The following SLC17A4 variants were observed in gnomAD, a reference collection of about 807,000 sequenced individuals.
The protein encoded by SLC17A4 is solute carrier family 17 member 4.
SLC17A4 carries 33 observed loss-of-function variants against 52.5 expected under a neutral mutation model. The ratio of observed to expected loss-of-function variants is 0.63; its 90% CI spans 0.48 to 0.84. The LOEUF is 0.84. Ranked by LOEUF, SLC17A4 falls within the 40% of genes least tolerant of loss-of-function variation. SLC17A4 has a pLI of 0.00. For synonymous variants in SLC17A4, 225 were observed against 216.2 expected, an observed-to-expected ratio of 1.04 and a Z score of -0.36; for missense variants, 585 against 597.1, an observed-to-expected ratio of 0.98 and a Z score of 0.21.
chr6:25,768,352 C>T (rs780754121), intron 2 of SLC17A4: 43 of 985,330 alleles, frequency 4.4e-5, no homozygotes, highest in Non-Finnish European at 4.9e-5. Flanking sequence ...TGGATGAATT[C>T]TTCCCGCTGT....
chr6:25,779,216 G>A lies in SLC17A4; in HGVS notation c.*28G>A. ...AAACCGAGAGATGTGCTAGATCCTG[G>A]TGCTTAGTTCATCATTGTTTTCCCT... On this transcript the variant is annotated 3_prime_UTR_variant, in exon 12 of 12. Coordinates refer to ENST00000377905, the MANE Select transcript of SLC17A4 (RefSeq NM_005495.3). 1 of 1,611,250 alleles carries A rather than the reference G, an allele frequency of 6.2e-7. No individual in the cohort carries two copies. The highest frequency in any genetic ancestry group is 8.5e-7 in the Non-Finnish European group (1 of 1,178,532).
At chr6:25,778,548 T>C (rs1231378189) in intron 11 of SLC17A4, among the ~76,000 whole-genome samples, 1 of 152,126 alleles carries the variant, frequency 6.6e-6, no homozygotes, top group Non-Finnish European at 1.5e-5. Flanking sequence ...ATTCAATAAA[T>C]ATTAAACAGT....
At chr6:25,775,905 A>G (rs1762873919) in intron 8 of SLC17A4, among the ~76,000 whole-genome samples, 1 of 152,188 alleles carries the variant, frequency 6.6e-6, no homozygotes, top group African/African-American at 2.4e-5. Flanking sequence ...ATATCAGTAC[A>G]TGAGAACCTT....
rs761706846 is a variant in SLC17A4 at position 25,778,033 on chromosome 6, T to C, written c.1359+17T>C. 1.1e-5 allele frequency: 17 copies of C among 1,567,678 alleles called. No individual in the cohort carries two copies. The African/African-American group carries it at 2.2e-4, about 20-fold the overall frequency. On this transcript the variant is annotated intron_variant, in intron 11 of 11. Coordinates refer to ENST00000377905, the MANE Select transcript of SLC17A4 (RefSeq NM_005495.3). ...ATCAGTCAGGTGAGGTCAAATGTTC[T>C]GATGAATATTCATAAAAGAAACCTA...
chr6:25,771,847 G>A (rs1247303430), intron 6 of SLC17A4, among the ~76,000 whole-genome samples: 1 of 152,128 alleles, frequency 6.6e-6, no homozygotes, highest in African/African-American at 2.4e-5. Context: ...GAGAGATGCT[G>A]CAGAAAGGTT....
Position 25,770,421 on chromosome 6 carries a change from A to G in SLC17A4, c.569A>G (p.Lys190Arg). The change falls in exon 5 of 12, where the codon AAA (lysine) becomes AGA (arginine). Residue 190 changes from lysine to arginine, a missense_variant. Transcript: ENST00000377905. ...VLTGQYSIWV[K>R]WAPPLERSQL... ...ACTGGTCAGTATTCAATTTGGGTCA[A>G]ATGGGCTCCCCCACTGGAAAGGAGT... 1 of 1,614,084 alleles carries G rather than the reference A, an allele frequency of 6.2e-7. No individual in the cohort carries two copies.
intron 2 of SLC17A4, 103 bp from the exon 3 acceptor site, chr6:25,768,882 T>C: frequency 9.3e-7 from 1 of 1,075,778 alleles, no homozygotes; most frequent in Non-Finnish European, 1.4e-6. Flanking sequence ...TCTCCCTATA[T>C]TTCTGCATCT....
rs1390224948 is a variant in SLC17A4 at position 25,780,731 on chromosome 6, G to C, written c.*1543G>C. ...GGTTGGAGTAGGAGCTTACAGTGTAGTCCAGGAGAGAACAATGGCCCCTGG... is the reference window on the plus strand; with the variant it reads ...GGTTGGAGTAGGAGCTTACAGTGTACTCCAGGAGAGAACAATGGCCCCTGG... On this transcript the variant is annotated 3_prime_UTR_variant, in exon 12 of 12. Transcript: ENST00000377905. 1.3e-5 allele frequency: 2 copies of C among 152,188 alleles called. No individual in the cohort carries two copies. The highest frequency in any genetic ancestry group is 4.8e-5 in the African/African-American group (2 of 41,424). The allele number at this position is 152,188 out of a possible 1,614,324, so 9.4% of individuals were successfully genotyped here. A position where few individuals can be genotyped will look rare whatever the true frequency, so the allele number is the denominator to read the frequency against.
At chr6:25,778,113 A>G (rs1373529126) in intron 11 of SLC17A4, 97 bp downstream of exon 11, 7 of 792,880 alleles carry the variant, frequency 8.8e-6, no homozygotes, top group Non-Finnish European at 1.4e-5. Context: ...AGATGCTTTT[A>G]AAGTAGTCAA....
intron 10 of SLC17A4, 189 bp from the exon 11 acceptor site, chr6:25,777,737 A>G (rs957324797): frequency 1.7e-6 from 1 of 572,276 alleles, no homozygotes; most frequent in African/African-American, 1.9e-5. Flanking sequence ...ATTGGTCAGT[A>G]CATTTCATTC....
chr6:25,773,706 T>C, intron 8 of SLC17A4, 32 bp downstream of exon 8: 2 of 1,600,036 alleles, frequency 1.2e-6, no homozygotes, highest in Non-Finnish European at 8.5e-7. Context: ...TCTGATCTTC[T>C]GTTTAAATGC....
intron 9 of SLC17A4, 29 bp from the exon 10 acceptor site, chr6:25,776,783 T>G (rs376178244): frequency 6.2e-7 from 1 of 1,613,838 alleles, no homozygotes; most frequent in South Asian, 1.1e-5. Flanking sequence ...CAGCCTTCAG[T>G]TTACTCTGTG....
At chr6:25,757,992 G>A (rs1761170204) in intron 1 of SLC17A4, among the ~76,000 whole-genome samples, 1 of 152,138 alleles carries the variant, frequency 6.6e-6, no homozygotes, top group Non-Finnish European at 1.5e-5. Context: ...TCCGTATCTG[G>A]TTCACAAGGG....
In SLC17A4 at chr6:25,776,936, T is replaced by C. The variant is rs775853984; in HGVS notation, c.1245T>C (p.Val415=). ...ISSFCESGAL[V]NFLDIAPRYT... is the part of the protein sequence containing the mutation. ...GCTTCTGTGAATCAGGAGCCCTTGT[T>C]AACTTCTTGGATATTGCTCCTCGGT... Residue 415 remains valine (V), a synonymous_variant, in exon 10 of 12, where the codon GTT becomes GTC. Transcript: ENST00000377905. 1 of 1,613,418 alleles carries C rather than the reference T, an allele frequency of 6.2e-7. No homozygotes were observed. Among genetic ancestry groups the C allele is most frequent in the East Asian group, 2.2e-5 (1 of 44,878 alleles).
intron 6 of SLC17A4, among the ~76,000 whole-genome samples, chr6:25,771,338 C>G (rs1393123682): frequency 6.6e-6 from 1 of 152,134 alleles, no homozygotes; most frequent in Non-Finnish European, 1.5e-5. Flanking sequence ...CTTTGGGAGG[C>G]TGAGGCAGGT....
chr6:25,768,238 T>C (rs1357504012), intron 2 of SLC17A4: 2 of 274,224 alleles, frequency 7.3e-6, no homozygotes, highest in Admixed American at 6.5e-5. Context: ...AATGAAACCA[T>C]GCTGTCCATT....
rs1442360274 is a variant in SLC17A4 at position 25,776,966 on chromosome 6, AC to A, written c.1268+9del. The A allele has an allele frequency of 1.1e-5, 18 of 1,605,222 alleles. No homozygotes were observed. The African/African-American group carries it at 2.1e-4, about 19-fold the overall frequency. ...TCTTGGATATTGCTCCTCGGTAGGG[AC>A]CTCTTTTGCCTCATCCTTTCAGACA... On this transcript the variant is annotated splice_region_variant and intron_variant, in intron 10 of 11. Coordinates refer to ENST00000377905, the MANE Select transcript of SLC17A4 (RefSeq NM_005495.3).
intron 10 of SLC17A4, 71 bp from the exon 11 acceptor site, chr6:25,777,855 C>A: frequency 7.8e-7 from 1 of 1,283,452 alleles, no homozygotes; most frequent in South Asian, 1.2e-5. Flanking sequence ...ATTTGCCTCC[C>A]TCTCCCGGGT....
Position 25,776,744 on chromosome 6 carries a change from A to T in SLC17A4, c.1120+17A>T. 6.2e-7 allele frequency: 1 copy of T among 1,613,938 alleles called. No homozygotes were observed. ...CTGCCATTGGTAAGGGAGAGACTGG[A>T]CACAGGGGTGAACGTGGGAAGCTCA... On this transcript the variant is annotated intron_variant, in intron 9 of 11. Transcript: ENST00000377905.
Sources: allele counts gnomAD v4.1 joint callset (sites outside exome capture counted in the v4.1 genomes callset), GRCh38; gene constraint gnomAD v4.1.1; transcripts MANE v1.5; gene names NCBI Gene and HGNC (gene_info 2026-07-23, HGNC 2026-07-21).